WDR4: variants seen among roughly 807,000 people sequenced by gnomAD.
WDR4 encodes tRNA (guanine-N(7)-)-methyltransferase non-catalytic subunit WDR4.
Under a neutral mutation model 48.6 loss-of-function variants are expected in WDR4, and 47 were observed. That is an observed-to-expected ratio of 0.97 (90% CI 0.77 to 1.23). WDR4 has a LOEUF of 1.23. Among genes scored for constraint, WDR4 ranks in the 50% most tolerant of loss-of-function variants. The probability of loss-of-function intolerance (pLI) is 0.00; values close to 1 mark genes in which losing one functional copy is unlikely to be tolerated. For synonymous variants in WDR4, 268 were observed against 230.0 expected, an observed-to-expected ratio of 1.17 and a Z score of -1.49; for missense variants, 606 against 551.6, an observed-to-expected ratio of 1.10 and a Z score of -0.99.
intron 6 of WDR4, among the ~76,000 whole-genome samples, chr21:42,856,653 A>C (rs896413743): frequency 1.3e-5 from 2 of 152,204 alleles, no homozygotes; most frequent in Non-Finnish European, 2.9e-5. Context: ...TCTGTGCACT[A>C]TTTGTAAGTA....
chr21:42,851,052 G>A (rs745934539), intron 10 of WDR4, among the ~76,000 whole-genome samples: 3 of 152,174 alleles, frequency 2.0e-5, no homozygotes, highest in Admixed American at 6.5e-5. Context: ...CTCTCCCAAC[G>A]CAGGCCCCCA....
chr21:42,860,285 G>A (rs1047401960), intron 5 of WDR4, among the ~76,000 whole-genome samples: 1 of 152,200 alleles, frequency 6.6e-6, no homozygotes, highest in African/African-American at 2.4e-5. Flanking sequence ...TGTCTCTGCT[G>A]AGCCCGGCCC....
rs1438982910 is a variant in WDR4, at chr21:42,862,487, GGCC to G, written c.454-96_454-94del. Reference sequence around the variant, plus strand: ...GAAGAAGGCAGGGAAGCTGCAGCCTGGCCGCCAAGAGGATGAGGCCTTCGAGGA... The same window carrying G: ...GAAGAAGGCAGGGAAGCTGCAGCCTGGCCAAGAGGATGAGGCCTTCGAGGA... On this transcript the variant is annotated intron_variant, in intron 4 of 10. Transcript: ENST00000398208. The surrounding 1 kb of genome is among the most constrained non-coding windows in gnomAD (Gnocchi z 4.3). The G allele has an allele frequency of 3.3e-6, 4 of 1,227,480 alleles. No homozygotes were observed. Among genetic ancestry groups the G allele is most frequent in the Admixed American group, 2.1e-5 (1 of 47,630 alleles). The allele number at this position is 1,227,480 out of a possible 1,614,324, so 76.0% of individuals were successfully genotyped here.
chr21:42,863,483 C>A lies in WDR4; in HGVS notation c.410G>T (p.Cys137Phe), dbSNP rs945864323. The A allele has an allele frequency of 9.9e-6, 16 of 1,613,910 alleles. No homozygotes were observed. The African/African-American group carries it at 2.0e-4, about 20-fold the overall frequency. The change falls in exon 4 of 11, where the codon TGT (cysteine) becomes TTT (phenylalanine). Residue 137 changes from cysteine (C) to phenylalanine (F), a missense_variant. Physicochemically the swap from Cys to Phe is radical, Grantham distance 205 (BLOSUM62 -2). Transcript: ENST00000398208. The stretch of plus-strand genomic sequence containing the variant: ...CAGGTGCCCCAGCTCTAGACGGCCA[C>A]ACCCGTGTGGCTCCAGCACCGAAAA... ...YSFSVLEPHG[C>F]GRLELGHLSM...
At chr21:42,879,698 G>C (rs1424493054), upstream of WDR4, 6 of 578,972 alleles carry the variant, frequency 1.0e-5, no homozygotes, top group African/African-American at 1.9e-5. Flanking sequence ...TCGGTGTTTC[G>C]GGTTTGGCAG....
In WDR4 at chr21:42,863,457, A is replaced by T; in HGVS notation, c.436T>A (p.Ser146Thr). The change falls in exon 4 of 11, where the codon TCT becomes ACT. Residue 146 changes from serine (S) to threonine (T), a missense_variant. By Grantham distance (58) the Ser-to-Thr change is moderately conservative. Coordinates refer to ENST00000398208, the MANE Select transcript of WDR4 (RefSeq NM_018669.6). ...GCGRLELGHL[S>T]MLLDVAVSPD... is the part of the protein sequence containing the mutation. ...CCACCTACCACATCTAACAGCATAG[A>T]CAGGTGCCCCAGCTCTAGACGGCCA... The T allele has an allele frequency of 6.2e-7, 1 of 1,613,318 alleles. No individual in the cohort carries two copies. Among genetic ancestry groups the T allele is most frequent in the Non-Finnish European group, 8.5e-7 (1 of 1,179,596 alleles).
intron 9 of WDR4, among the ~76,000 whole-genome samples, chr21:42,853,279 T>G (rs1369045443): frequency 6.6e-6 from 1 of 152,064 alleles, no homozygotes; most frequent in African/African-American, 2.4e-5. Flanking sequence ...CCACACTGAG[T>G]GCCAACTTCA....
rs549362204 is a variant in WDR4, at chr21:42,879,273, C to G, written c.89+134G>C. 9 of 1,397,948 alleles carry G rather than the reference C, an allele frequency of 6.4e-6. No homozygotes were observed. In the African/African-American group the frequency reaches 7.4e-5, roughly 11 times the overall value. 86.6% of individuals were successfully genotyped at this position (1,397,948 alleles called of 1,614,324 possible). ...CAGGCCGAGACTGCGGCGGAGGACT[C>G]GTGGGCTGGAGCGGAGTTCCCCGGG... On this transcript the variant is annotated intron_variant, in intron 1 of 10. Transcript: ENST00000398208.
the WDR4 span, among the ~76,000 whole-genome samples, chr21:42,888,244 G>A: frequency 6.6e-6 from 1 of 152,148 alleles, no homozygotes; most frequent in African/African-American, 2.4e-5. Flanking sequence ...TAGAGAGCTA[G>A]ATATAGATAT....
At chr21:42,874,384 A>G (rs1408849170) in intron 2 of WDR4, among the ~76,000 whole-genome samples, 1 of 152,180 alleles carries the variant, frequency 6.6e-6, no homozygotes, top group East Asian at 1.9e-4. Flanking sequence ...CACAAATTGT[A>G]GAGCATGTGT....
chr21:42,880,838 G>A (rs2058602517), upstream of WDR4, among the ~76,000 whole-genome samples: 1 of 152,044 alleles, frequency 6.6e-6, no homozygotes. Context: ...GGCAGCTGGT[G>A]GTGCTTTGTT....
chr21:42,850,541 G>A (rs1443916242), intron 10 of WDR4, among the ~76,000 whole-genome samples: 1 of 152,212 alleles, frequency 6.6e-6, no homozygotes, highest in Non-Finnish European at 1.5e-5. Context: ...CCCGGAGAAA[G>A]CCACTACTGC....
intron 1 of WDR4, chr21:42,878,969 T>C (rs1035721298): frequency 2.0e-6 from 2 of 994,750 alleles, no homozygotes. Context: ...GAGCTCGCAG[T>C]GAGTAAGCCC....
At chr21:42,885,291 A>G in the WDR4 span, among the ~76,000 whole-genome samples, 1 of 151,960 alleles carries the variant, frequency 6.6e-6, no homozygotes, top group South Asian at 2.1e-4. Flanking sequence ...TTGGGTATTC[A>G]TAGCCCTTTA....
At chr21:42,872,503 C>T (rs184486788) in intron 3 of WDR4, among the ~76,000 whole-genome samples, 49 of 150,376 alleles carry the variant, frequency 3.3e-4, no homozygotes, top group African/African-American at 1.1e-3. Flanking sequence ...CCCAGCTACT[C>T]GAGAGGCTGA....
At chr21:42,884,876 A>G in the WDR4 span, among the ~76,000 whole-genome samples, 1 of 151,984 alleles carries the variant, frequency 6.6e-6, no homozygotes, top group African/African-American at 2.4e-5. Context: ...CTGAGCTTCA[A>G]GTGATTCTCC....
At chr21:42,888,004 A>G in the WDR4 span, among the ~76,000 whole-genome samples, 1 of 152,352 alleles carries the variant, frequency 6.6e-6, no homozygotes, top group East Asian at 1.9e-4. Flanking sequence ...TTTAGGTAGT[A>G]AATGATAAAA....
chr21:42,855,601 G>T (rs898753690), intron 7 of WDR4, 81 bp downstream of exon 7: 4 of 1,100,522 alleles, frequency 3.6e-6, no homozygotes, highest in African/African-American at 1.6e-5. Context: ...TTCCAACGGC[G>T]AAGTGACTTT....
intron 1 of WDR4, chr21:42,879,038 C>T (rs17767995): frequency 0.076 from 80,405 of 1,058,996 alleles, 3,389 homozygotes; most frequent in Middle Eastern, 0.083. Flanking sequence ...AGAGCGTGTT[C>T]GGCCGGGCCT....
Sources: gnomAD v4.1 joint callset for allele counts (sites outside exome capture counted in the v4.1 genomes callset) on GRCh38, gnomAD v4.1.1 for gene constraint, Gnocchi (gnomAD v3.1) non-coding constraint, MANE v1.5 for transcripts, NCBI Gene and HGNC (gene_info 2026-07-23, HGNC 2026-07-21) for gene names.